PLD5: variants seen among roughly 807,000 people sequenced by gnomAD.
The protein encoded by PLD5 is phospholipase D family member 5.
Under a neutral mutation model 61.1 loss-of-function variants are expected in PLD5, and 36 were observed. The observed-to-expected ratio is 0.59, with a 90% confidence interval of 0.45 to 0.78. PLD5 has a LOEUF of 0.78. Among genes scored for constraint, PLD5 ranks in the 30% least tolerant of loss-of-function variants. PLD5 has a pLI of 0.00. For missense variants in PLD5, 515 were observed against 644.4 expected (o/e 0.80, Z 2.17); for synonymous variants, 243 against 242.8 (o/e 1.00, Z -0.01).
At position 242,377,520 on chromosome 1, in the gene PLD5, C is replaced by T. The variant is rs938009436; in HGVS notation, c.190-29278G>A. On this transcript the variant is annotated intron_variant, in intron 1 of 9. Coordinates refer to ENST00000536534, the MANE Select transcript of PLD5 (RefSeq NM_001372062.1). ...TCCAACAAAAGCCTCTGAGGTTGGA[C>T]GCCATGCCACTCAGTCTAAGCAATA... 17 of 611,090 alleles carry T rather than the reference C, an allele frequency of 2.8e-5. No homozygotes were observed. In the East Asian group the frequency reaches 3.6e-4, roughly 13 times the overall value. 37.9% of individuals were successfully genotyped at this position (611,090 alleles called of 1,614,324 possible).
At chr1:242,286,431 T>G (rs1242643766) in intron 3 of PLD5, among the ~76,000 whole-genome samples, 1 of 152,190 alleles carries the variant, frequency 6.6e-6, no homozygotes, top group East Asian at 1.9e-4. Flanking sequence ...AAGATTCTTC[T>G]GAGAAGCACA....
chr1:242,314,487 T>C (rs1205123287), intron 2 of PLD5, among the ~76,000 whole-genome samples: 1 of 152,194 alleles, frequency 6.6e-6, no homozygotes, highest in Non-Finnish European at 1.5e-5. Flanking sequence ...GGAACAAACT[T>C]GCCCAAGTGT....
upstream of PLD5, among the ~76,000 whole-genome samples, chr1:242,527,216 C>T (rs1219903540): frequency 1.4e-5 from 2 of 145,858 alleles, no homozygotes; most frequent in Non-Finnish European, 3.0e-5. Context: ...CTGCAATCCC[C>T]ACCTCCCAGG....
At chr1:242,356,869 A>C (rs1264388019) in intron 1 of PLD5, among the ~76,000 whole-genome samples, 1 of 152,072 alleles carries the variant, frequency 6.6e-6, no homozygotes, top group African/African-American at 2.4e-5. Flanking sequence ...AACATTTTAT[A>C]ATATATATCT....
intron 5 of PLD5, among the ~76,000 whole-genome samples, chr1:242,168,796 A>C (rs1166043753): frequency 1.3e-5 from 2 of 150,092 alleles, no homozygotes; most frequent in African/African-American, 5.0e-5. Context: ...TCTGTATGTC[A>C]CACTTCACTC....
chr1:242,087,955 C>T lies in PLD5; in HGVS notation c.*1899G>A, dbSNP rs1659548378. On this transcript the variant is annotated 3_prime_UTR_variant, in exon 10 of 10. Transcript: ENST00000536534. ...AAAAATACAGCTTCCTTCCAGCTCTCTTGATCAACTGGTTAAATATCTAGT... is the reference window on the plus strand; with the variant it reads ...AAAAATACAGCTTCCTTCCAGCTCTTTTGATCAACTGGTTAAATATCTAGT... 6.6e-6 allele frequency: 1 copy of T among 152,192 alleles called. No homozygotes were observed. The highest frequency in any genetic ancestry group is 1.5e-5 in the Non-Finnish European group (1 of 68,036). The allele number at this position is 152,192 out of a possible 1,614,324, so 9.4% of individuals were successfully genotyped here.
chr1:242,424,940 T>C (rs1665335992), intron 1 of PLD5, among the ~76,000 whole-genome samples: 1 of 152,170 alleles, frequency 6.6e-6, no homozygotes, highest in South Asian at 2.1e-4. Flanking sequence ...AAGACCAGCC[T>C]GGCCAAGATG....
intron 5 of PLD5, among the ~76,000 whole-genome samples, chr1:242,158,709 G>A (rs750861025): frequency 6.6e-6 from 1 of 152,016 alleles, no homozygotes; most frequent in Non-Finnish European, 1.5e-5. Flanking sequence ...GAAATCACCC[G>A]CTTTCTGTGT....
rs113896170 is a variant in PLD5, at chr1:242,499,907, C to T, written c.189+24181G>A. ...TACAGGAATCATCTACAGGCCTTTT[C>T]ACTCACATGTCCAGAACCTTGGCTG... On this transcript the variant is annotated intron_variant, in intron 1 of 9. Transcript: ENST00000536534. Among the ~76,000 whole-genome samples the T allele has an allele frequency of 8.1e-3, 1,235 of 152,234 alleles. 17 individuals carry two copies. The highest frequency in any genetic ancestry group is 0.029 in the African/African-American group (1,184 of 41,528).
chr1:242,524,669 C>A lies in PLD5; in HGVS notation c.-393G>T. 6.6e-6 allele frequency: 1 copy of A among 152,132 alleles called. No homozygotes were observed. Among genetic ancestry groups the A allele is most frequent in the South Asian group, 1.9e-4 (1 of 5,222 alleles). The allele number at this position is 152,132 out of a possible 1,614,324, so 9.4% of individuals were successfully genotyped here. ...GCGGCTGCGGTCCCGAGCGGGCGCT[C>A]CGCTCGCCGGCTCCTTGCGGCACCT... On this transcript the variant is annotated 5_prime_UTR_variant, in exon 1 of 10. Coordinates refer to ENST00000536534, the MANE Select transcript of PLD5 (RefSeq NM_001372062.1).
chr1:242,113,902 G>C lies in PLD5; in HGVS notation c.1058C>G (p.Thr353Arg). The C allele has an allele frequency of 6.2e-7, 1 of 1,613,314 alleles. No individual in the cohort carries two copies. Among genetic ancestry groups the C allele is most frequent in the East Asian group, 2.2e-5 (1 of 44,850 alleles). The change falls in exon 7 of 10, where the codon ACA (threonine) becomes AGA (arginine). Residue 353 changes from threonine (T) to arginine (R), a missense_variant. Physicochemically the swap from Thr to Arg is moderately conservative, Grantham distance 71 (BLOSUM62 -1). This residue lies in a region of PLD5 where 450 missense variants were observed against 598.1 expected (regional missense o/e 0.75). Coordinates refer to ENST00000536534, the MANE Select transcript of PLD5 (RefSeq NM_001372062.1). ...AVMDYLPISS[T>R]STKRTYWPDL... The stretch of plus-strand genomic sequence containing the variant: ...GGCATTCACTGACCTTTTGGTGCTT[G>C]TGCTGGAGATAGGCAGGTAGTCCAT...
chr1:242,357,192 A>G (rs1361632922), intron 1 of PLD5, among the ~76,000 whole-genome samples: 3 of 151,824 alleles, frequency 2.0e-5, no homozygotes, highest in East Asian at 3.9e-4. Context: ...TGGTGGTTAG[A>G]GCATTCTTGG....
chr1:242,346,234 TAAAAATAAAAATTAA>T (rs1660129969), intron 2 of PLD5, among the ~76,000 whole-genome samples: 2 of 151,154 alleles, frequency 1.3e-5, no homozygotes, highest in Non-Finnish European at 2.9e-5. Context: ...TTGCATGAAT[TAAAAATAAAAATTAA>T]AGCAAATTTT....
upstream of PLD5, among the ~76,000 whole-genome samples, chr1:242,529,261 T>C (rs919018717): frequency 2.6e-5 from 4 of 152,222 alleles, no homozygotes; most frequent in African/African-American, 9.6e-5. Flanking sequence ...CTCGTAGTTA[T>C]TATTGATTAG....
chr1:242,454,147 T>TACTA (rs1286760085), intron 1 of PLD5, among the ~76,000 whole-genome samples: 36 of 152,190 alleles, frequency 2.4e-4, no homozygotes, highest in African/African-American at 8.4e-4. Flanking sequence ...CTGGTCAGCA[T>TACTA]GGTGAGACCC....
At chr1:242,491,535 T>C (rs1446056599) in intron 1 of PLD5, among the ~76,000 whole-genome samples, 2 of 152,136 alleles carry the variant, frequency 1.3e-5, no homozygotes, top group African/African-American at 4.8e-5. Flanking sequence ...AAACAAAAAA[T>C]AGTAAACACG....
chr1:242,273,620 T>C (rs1316975460), intron 3 of PLD5, among the ~76,000 whole-genome samples: 1 of 152,232 alleles, frequency 6.6e-6, no homozygotes, highest in African/African-American at 2.4e-5. Context: ...ATAGTGCATC[T>C]GAATCTCTGG....
intron 1 of PLD5, among the ~76,000 whole-genome samples, chr1:242,489,495 C>G (rs532774235): frequency 6.6e-6 from 1 of 151,520 alleles, no homozygotes; most frequent in African/African-American, 2.4e-5. Context: ...GAAGAGGCAG[C>G]GAAAGAGGAT....
Position 242,089,771 on chromosome 1 carries a change from CA to C in PLD5, c.*82del. On this transcript the variant is annotated 3_prime_UTR_variant, in exon 10 of 10. Coordinates refer to ENST00000536534, the MANE Select transcript of PLD5 (RefSeq NM_001372062.1). ...TGTGCTTTTTCCCTAAAAAAAGAGA[CA>C]TATTAAAGTGTTTTTTCTCTCCTCA... 1.3e-6 allele frequency: 2 copies of C among 1,526,128 alleles called. No individual in the cohort carries two copies. The highest frequency in any genetic ancestry group is 1.8e-6 in the Non-Finnish European group (2 of 1,118,298). The allele number at this position is 1,526,128 out of a possible 1,614,324, so 94.5% of individuals were successfully genotyped here.
Sources: gnomAD v4.1 joint callset for allele counts (sites outside exome capture counted in the v4.1 genomes callset) on GRCh38, gnomAD v4.1.1 for gene constraint, gnomAD v4.1.1 regional missense constraint, MANE v1.5 for transcripts, NCBI Gene and HGNC (gene_info 2026-07-23, HGNC 2026-07-21) for gene names.